FSIP1: variants seen among roughly 807,000 people sequenced by gnomAD.
FSIP1 encodes fibrous sheath interacting protein 1.
FSIP1 carries 65 observed loss-of-function variants against 60.9 expected under a neutral mutation model. The observed-to-expected ratio is 1.07, with a 90% CI of 0.87 to 1.31. The LOEUF (loss-of-function observed/expected upper bound fraction) is 1.31. Ranked by LOEUF, FSIP1 falls within the 40% of genes most tolerant of loss-of-function variation. The pLI, the probability that FSIP1 is intolerant of heterozygous loss-of-function variation, is 0.00. For synonymous variants in FSIP1, 209 were observed against 221.2 expected, an observed-to-expected ratio of 0.94 and a Z score of 0.49; for missense variants, 675 against 665.5, an observed-to-expected ratio of 1.01 and a Z score of -0.16.
intron 2 of FSIP1, among the ~76,000 whole-genome samples, chr15:39,775,336 T>C (rs1309669952): frequency 1.3e-5 from 2 of 151,738 alleles, no homozygotes; most frequent in Admixed American, 6.6e-5. Flanking sequence ...CAGAATCTAG[T>C]CTACAAACAA....
chr15:39,665,729 A>G (rs1893470766), intron 10 of FSIP1, among the ~76,000 whole-genome samples: 1 of 152,212 alleles, frequency 6.6e-6, no homozygotes, highest in Non-Finnish European at 1.5e-5. Context: ...AAAGAAGAGT[A>G]AAGTTTTAAT....
At chr15:39,673,520 T>G (rs984635707) in intron 10 of FSIP1, among the ~76,000 whole-genome samples, 5 of 152,032 alleles carry the variant, frequency 3.3e-5, no homozygotes, top group African/African-American at 1.2e-4. Context: ...TCGCTTTGTT[T>G]GCCTAGCCTT....
chr15:39,622,576 G>A (rs1891478641), intron 10 of FSIP1, among the ~76,000 whole-genome samples: 1 of 152,204 alleles, frequency 6.6e-6, no homozygotes. Flanking sequence ...ACTAGACTCT[G>A]CTCTAGGCAT....
chr15:39,639,554 T>C (rs969656196), intron 10 of FSIP1, among the ~76,000 whole-genome samples: 1 of 152,246 alleles, frequency 6.6e-6, no homozygotes, highest in Non-Finnish European at 1.5e-5. Context: ...ATATTTTGTA[T>C]AGGAACTCTG....
In FSIP1 at chr15:39,770,530, A is replaced by G; in HGVS notation, c.207T>C (p.Asn69=). 6.2e-7 allele frequency: 1 copy of G among 1,611,314 alleles called. No individual in the cohort carries two copies. The highest frequency in any genetic ancestry group is 8.5e-7 in the Non-Finnish European group (1 of 1,179,454). Residue 69 remains asparagine (N), a synonymous_variant, in exon 3 of 12, where the codon AAT becomes AAC. Transcript: ENST00000350221. ...SSNTENRRTS[N]DDKQESCSEK... ...CAGAGCAGCTTTCCTGCTTATCATC[A>G]TTACTAGTTCTTCTGTTCTCTGTAT...
chr15:39,683,075 T>C (rs1894228520), intron 10 of FSIP1, among the ~76,000 whole-genome samples: 1 of 152,288 alleles, frequency 6.6e-6, no homozygotes, highest in Middle Eastern at 3.4e-3. Flanking sequence ...TGGTACCAGG[T>C]GGGTTCTTGG....
intron 7 of FSIP1, among the ~76,000 whole-genome samples, chr15:39,739,461 T>C (rs1025717811): frequency 1.3e-5 from 2 of 152,198 alleles, no homozygotes; most frequent in Admixed American, 6.5e-5. Flanking sequence ...TAAAAAGAGA[T>C]AGGATAGGAT....
intron 10 of FSIP1, among the ~76,000 whole-genome samples, chr15:39,664,868 C>G (rs1007865794): frequency 6.6e-6 from 1 of 152,090 alleles, no homozygotes; most frequent in Non-Finnish European, 1.5e-5. Flanking sequence ...TGGAAGTGAT[C>G]TCCCTCCTCT....
chr15:39,687,541 G>C (rs1210705521), intron 10 of FSIP1, among the ~76,000 whole-genome samples: 1 of 152,140 alleles, frequency 6.6e-6, no homozygotes, highest in African/African-American at 2.4e-5. Context: ...TGCAGAGTTG[G>C]TCCCTACCTC....
chr15:39,741,634 A>C (rs187171426), intron 6 of FSIP1, among the ~76,000 whole-genome samples, 171 bp downstream of exon 6: 4 of 152,346 alleles, frequency 2.6e-5, no homozygotes, highest in East Asian at 3.9e-4. Flanking sequence ...TGGTATAACA[A>C]ACTCTCAACA....
chr15:39,683,910 T>C (rs988797827), intron 10 of FSIP1, among the ~76,000 whole-genome samples: 1 of 152,198 alleles, frequency 6.6e-6, no homozygotes, highest in Admixed American at 6.5e-5. Flanking sequence ...ATGCTGAAGA[T>C]GACAAAATGC....
At chr15:39,768,584 A>C (rs1007472003) in intron 3 of FSIP1, among the ~76,000 whole-genome samples, 1 of 152,220 alleles carries the variant, frequency 6.6e-6, no homozygotes, top group Non-Finnish European at 1.5e-5. Flanking sequence ...AGACAGGTGG[A>C]TTCTCATATT....
intron 10 of FSIP1, among the ~76,000 whole-genome samples, chr15:39,665,388 C>T (rs1424191013): frequency 1.3e-5 from 2 of 152,088 alleles, no homozygotes; most frequent in Non-Finnish European, 2.9e-5. Context: ...TAACTCATCC[C>T]CTACTTTTTC....
intron 5 of FSIP1, among the ~76,000 whole-genome samples, chr15:39,763,045 G>A (rs1355376591): frequency 6.6e-6 from 1 of 152,072 alleles, no homozygotes; most frequent in African/African-American, 2.4e-5. Context: ...AAGATAAAGA[G>A]TAAACTAAAA....
Position 39,763,811 on chromosome 15 carries a change from A to C in FSIP1, c.559+10T>G, listed in dbSNP as rs746416994. 7.2e-7 allele frequency: 1 copy of C among 1,386,996 alleles called. No individual in the cohort carries two copies. Among genetic ancestry groups the C allele is most frequent in the South Asian group, 1.2e-5 (1 of 84,444 alleles). 85.9% of individuals were successfully genotyped at this position (1,386,996 alleles called of 1,614,324 possible). On this transcript the variant is annotated intron_variant, in intron 5 of 11. Transcript: ENST00000350221. ...AAAAACAAAGTTGAATGACATCTCC[A>C]TCTACTCACCAACAGTTTCTTCAGA...
intron 10 of FSIP1, among the ~76,000 whole-genome samples, chr15:39,663,848 A>T (rs1310990044): frequency 6.6e-6 from 1 of 152,216 alleles, no homozygotes; most frequent in Non-Finnish European, 1.5e-5. Flanking sequence ...GCTCTATTTA[A>T]ACTCTACTTC....
At chr15:39,608,888 G>T (rs1890921068) in intron 11 of FSIP1, among the ~76,000 whole-genome samples, 1 of 152,258 alleles carries the variant, frequency 6.6e-6, no homozygotes, top group Non-Finnish European at 1.5e-5. Flanking sequence ...CATTCAAGGG[G>T]TAAGTGGAAT....
intron 10 of FSIP1, among the ~76,000 whole-genome samples, chr15:39,697,420 C>T (rs1894865285): frequency 6.6e-6 from 1 of 152,100 alleles, no homozygotes; most frequent in Non-Finnish European, 1.5e-5. Context: ...AGTTAAATAC[C>T]CTTCCAGAAT....
intron 5 of FSIP1, among the ~76,000 whole-genome samples, chr15:39,742,728 C>T (rs575992111): frequency 1.1e-4 from 17 of 152,302 alleles, no homozygotes; most frequent in Non-Finnish European, 1.9e-4. Context: ...AAGATACATT[C>T]ACCCTCAACA....
Sources: allele counts gnomAD v4.1 joint callset (sites outside exome capture counted in the v4.1 genomes callset), GRCh38; gene constraint gnomAD v4.1.1; transcripts MANE v1.5; gene names NCBI Gene and HGNC (gene_info 2026-07-23, HGNC 2026-07-21).